Variants in AMOT observed in about 807,000 individuals in gnomAD.
AMOT encodes the protein angiomotin.
A neutral mutation model predicts 67.0 loss-of-function variants in AMOT; 11 were observed. That is an observed-to-expected ratio of 0.16 (90% CI 0.10 to 0.27). AMOT has a LOEUF of 0.27. Among genes scored for constraint, AMOT ranks in the 10% least tolerant of loss-of-function variants. The probability of loss-of-function intolerance (pLI) is 1.00; values close to 1 mark genes in which losing one functional copy is unlikely to be tolerated. For synonymous variants in AMOT, 326 were observed against 321.4 expected, an observed-to-expected ratio of 1.01 and a Z score of -0.15; for missense variants, 753 against 852.0, an observed-to-expected ratio of 0.88 and a Z score of 1.45.
Position 112,805,078 on chromosome X carries a change from G to A in AMOT, c.1645C>T (p.Arg549Cys), listed in dbSNP as rs187297286. Residue 549 changes from arginine to cysteine, a missense_variant, in exon 8 of 14, where the codon CGT (arginine) becomes TGT (cysteine). By Grantham distance (180) the Arg-to-Cys change is radical. Transcript: ENST00000371959. ...QLFAKNKESQREKEKLEAELA... is the reference protein window; with the variant it reads ...QLFAKNKESQCEKEKLEAELA... Reference sequence around the variant, plus strand: ...TCCGCTTCCAGCTTCTCCTTCTCACGCTGGCTTTCTTTATCTGTCAGGACA... The same window carrying A: ...TCCGCTTCCAGCTTCTCCTTCTCACACTGGCTTTCTTTATCTGTCAGGACA... 31 of 1,209,299 alleles carry A rather than the reference G, an allele frequency of 2.6e-5. No individual in the cohort carries two copies. In the Admixed American group the frequency reaches 5.7e-4, roughly 22 times the overall value.
intron 10 of AMOT, 104 bp downstream of exon 10, chrX:112,790,488 G>T: frequency 1.1e-6 from 1 of 901,021 alleles, no homozygotes; most frequent in African/African-American, 2.0e-5. Context: ...GGCAGAAATT[G>T]GGGGGGAAAC....
chrX:112,784,081 G>A (rs1362185468), intron 10 of AMOT, among the ~76,000 whole-genome samples: 1 of 112,026 alleles, frequency 8.9e-6, no homozygotes, highest in Admixed American at 9.5e-5. Context: ...TGAAATAATT[G>A]GAGAACAAGA....
rs763727542 is a variant in AMOT at position 112,815,694 on chromosome X, C to T, written c.1056G>A (p.Pro352=). 224 of 1,167,508 alleles carry T rather than the reference C, an allele frequency of 1.9e-4. No individual in the cohort carries two copies. Among genetic ancestry groups the T allele is most frequent in the Non-Finnish European group, 2.4e-4 (212 of 874,092 alleles). ...QGDHSAHLPR[P]QQHFLPNQAH... is the part of the protein sequence containing the mutation. ...CCTGATTAGGAAGGAAATGCTGCTG[C>T]GGCCTAGGCAGGTGAGCTGAATGGT... The change falls in exon 5 of 14, where the codon CCG becomes CCA. Residue 352 remains proline (P), a synonymous_variant. Transcript: ENST00000371959.
chrX:112,809,949 C>T lies in AMOT; in HGVS notation c.1575G>A (p.Lys525=), dbSNP rs1255944969. 3 of 1,211,304 alleles carry T rather than the reference C, an allele frequency of 2.5e-6. No individual in the cohort carries two copies. In the South Asian group the frequency reaches 5.3e-5, roughly 21 times the overall value. ...LETANKQLAE[K]EYEGSEDTRK... is the part of the protein sequence containing the mutation. ...TGGTGTCCTCTGACCCCTCATATTC[C>T]TTCTCTGCAAGCTGCTTGTTGGCAG... Residue 525 remains lysine, a synonymous_variant, in exon 7 of 14, where the codon AAG becomes AAA. Coordinates refer to ENST00000371959, the MANE Select transcript of AMOT (RefSeq NM_001113490.2).
At chrX:112,817,688 A>G (rs1347916102) in intron 4 of AMOT, among the ~76,000 whole-genome samples, 2 of 112,054 alleles carry the variant, frequency 1.8e-5, no homozygotes, top group Non-Finnish European at 3.8e-5. Flanking sequence ...TCTTCCAATC[A>G]CATACATCTG....
chrX:112,818,230 G>A (rs2147817879), intron 4 of AMOT, among the ~76,000 whole-genome samples: 1 of 111,111 alleles, frequency 9.0e-6, no homozygotes, highest in Admixed American at 9.5e-5. Flanking sequence ...GCTCCCCTGG[G>A]CCTCATCAAG....
At chrX:112,803,964 T>A (rs751766178) in intron 8 of AMOT, among the ~76,000 whole-genome samples, 1 of 111,835 alleles carries the variant, frequency 8.9e-6, no homozygotes, top group East Asian at 2.8e-4. Context: ...CAATTTTTGC[T>A]GGAACACACC....
rs1389487012 is a variant in AMOT at position 112,823,003 on chromosome X, T to C, written c.124A>G (p.Thr42Ala). Residue 42 changes from threonine (T) to alanine (A), a missense_variant, in exon 4 of 14, where the codon ACA becomes GCA. Thr to Ala is a moderately conservative substitution (Grantham distance 58). Coordinates refer to ENST00000371959, the MANE Select transcript of AMOT (RefSeq NM_001113490.2). ...CTGGGGAAAGGAGGGCCATTCCCTGTGGCTTGCTGGTGTATGGCAAGCAGG... is the reference window on the plus strand; with the variant it reads ...CTGGGGAAAGGAGGGCCATTCCCTGCGGCTTGCTGGTGTATGGCAAGCAGG... ...RSLLAIHQQA[T>A]GNGPPFPSGS... 4.3e-6 allele frequency: 5 copies of C among 1,165,664 alleles called. No individual in the cohort carries two copies. The highest frequency in any genetic ancestry group is 5.7e-6 in the Non-Finnish European group (5 of 872,799).
intron 10 of AMOT, among the ~76,000 whole-genome samples, chrX:112,786,188 C>A (rs1392036302): frequency 8.9e-6 from 1 of 111,869 alleles, no homozygotes; most frequent in African/African-American, 3.2e-5. Flanking sequence ...TGAGAAATGC[C>A]TACAAAGAGG....
chrX:112,836,253 C>G (rs1935127572), intron 1 of AMOT, among the ~76,000 whole-genome samples: 2 of 111,140 alleles, frequency 1.8e-5, no homozygotes, highest in Admixed American at 9.6e-5. Context: ...AACAGTGGAC[C>G]CTAGTTTTGT....
At chrX:112,778,936 A>T in intron 13 of AMOT, 61 bp downstream of exon 13, 2 of 1,076,773 alleles carry the variant, frequency 1.9e-6, no homozygotes, top group Non-Finnish European at 2.5e-6. Context: ...GACAACAAGA[A>T]ATAAATCTGT....
intron 8 of AMOT, among the ~76,000 whole-genome samples, chrX:112,803,135 A>T (rs1934066832): frequency 8.9e-6 from 1 of 111,937 alleles, no homozygotes; most frequent in Non-Finnish European, 1.9e-5. Context: ...AAAACTTAAA[A>T]GATGCAGAGG....
intron 8 of AMOT, among the ~76,000 whole-genome samples, chrX:112,799,600 T>C (rs1933945662): frequency 8.9e-6 from 1 of 112,156 alleles, no homozygotes; most frequent in Non-Finnish European, 1.9e-5. Context: ...CAGGAGCCAC[T>C]GGATCCAAGT....
At chrX:112,811,471 C>T in intron 5 of AMOT, 78 bp from the exon 6 acceptor site, 2 of 1,091,599 alleles carry the variant, frequency 1.8e-6, no homozygotes, top group East Asian at 6.1e-5. Flanking sequence ...ACAGGCAAAT[C>T]CTCGCTGACA....
intron 4 of AMOT, among the ~76,000 whole-genome samples, chrX:112,816,184 C>T (rs942426535): frequency 3.6e-5 from 4 of 111,727 alleles, no homozygotes; most frequent in African/African-American, 1.3e-4. Flanking sequence ...CCTGTACACC[C>T]GTTTGCTCAA....
At chrX:112,797,493 G>C (rs1479811206) in intron 8 of AMOT, among the ~76,000 whole-genome samples, 1 of 111,742 alleles carries the variant, frequency 8.9e-6, no homozygotes, top group African/African-American at 3.3e-5. Context: ...AAGAAAAAAA[G>C]CAACTGGCTG....
chrX:112,799,880 T>C (rs1194824943), intron 8 of AMOT, among the ~76,000 whole-genome samples: 1 of 111,920 alleles, frequency 8.9e-6, no homozygotes, highest in Non-Finnish European at 1.9e-5. Flanking sequence ...ACTCCATCTC[T>C]ATTTGGGGGT....
intron 8 of AMOT, among the ~76,000 whole-genome samples, chrX:112,798,646 A>T (rs1013181051): frequency 2.7e-5 from 3 of 112,486 alleles, no homozygotes; most frequent in African/African-American, 9.7e-5. Context: ...TAGCTTATCT[A>T]CAACACTGCA....
intron 1 of AMOT, among the ~76,000 whole-genome samples, 188 bp from the exon 2 acceptor site, chrX:112,832,558 C>G (rs1935017920): frequency 8.9e-6 from 1 of 112,022 alleles, no homozygotes; most frequent in African/African-American, 3.2e-5. Flanking sequence ...ACATAACCCT[C>G]CACAGAATTG....
Sources: allele counts gnomAD v4.1 joint callset (sites outside exome capture counted in the v4.1 genomes callset), GRCh38; gene constraint gnomAD v4.1.1; transcripts MANE v1.5; gene names NCBI Gene and HGNC (gene_info 2026-07-23, HGNC 2026-07-21).